BACH2: variants seen among roughly 807,000 people sequenced by gnomAD.
BACH2 encodes transcription regulator protein BACH2.
A neutral mutation model predicts 61.8 loss-of-function variants in BACH2; 5 were observed. The ratio of observed to expected loss-of-function variants is 0.08; its 90% confidence interval spans 0.04 to 0.17. The LOEUF is 0.17. Among genes scored for constraint, BACH2 ranks in the 10% least tolerant of loss-of-function variants. BACH2 has a pLI of 1.00. For synonymous variants in BACH2, 446 were observed against 440.1 expected (o/e 1.01, Z -0.17); for missense variants, 824 against 1,091.1 (o/e 0.76, Z 3.45).
At chr6:90,234,692 G>A (rs1770204049) in intron 3 of BACH2, among the ~76,000 whole-genome samples, 1 of 152,180 alleles carries the variant, frequency 6.6e-6, no homozygotes, top group African/African-American at 2.4e-5. Context: ...TTCAAAGAAG[G>A]TGGTCACAGT....
chr6:90,243,890 A>G (rs1173115880), intron 3 of BACH2, among the ~76,000 whole-genome samples: 1 of 152,182 alleles, frequency 6.6e-6, no homozygotes, highest in Non-Finnish European at 1.5e-5. Flanking sequence ...TCAATTGAGG[A>G]GCAATAAACC....
intron 4 of BACH2, among the ~76,000 whole-genome samples, chr6:90,191,914 G>A (rs527421646): frequency 3.9e-5 from 6 of 151,960 alleles, no homozygotes; most frequent in African/African-American, 4.8e-5. Flanking sequence ...AAAATGACTC[G>A]AATACTTGCT....
intron 4 of BACH2, among the ~76,000 whole-genome samples, chr6:90,120,196 G>A (rs1287629850): frequency 1.3e-5 from 2 of 152,180 alleles, no homozygotes; most frequent in African/African-American, 4.8e-5. Context: ...GGAGAGGACC[G>A]TAGAGTTGAG....
At chr6:90,220,443 A>G (rs895798010) in intron 3 of BACH2, among the ~76,000 whole-genome samples, 2 of 152,254 alleles carry the variant, frequency 1.3e-5, no homozygotes, top group African/African-American at 2.4e-5. Flanking sequence ...GATTTTATCA[A>G]TGTGGCAGAG....
chr6:90,115,075 T>G (rs1783335308), intron 4 of BACH2, among the ~76,000 whole-genome samples: 1 of 152,078 alleles, frequency 6.6e-6, no homozygotes, highest in African/African-American at 2.4e-5. Flanking sequence ...ATAATCAATA[T>G]CATTAAAATG....
At chr6:90,016,246 T>G (rs948550521) in intron 5 of BACH2, among the ~76,000 whole-genome samples, 1 of 152,212 alleles carries the variant, frequency 6.6e-6, no homozygotes, top group Non-Finnish European at 1.5e-5. Flanking sequence ...TTCTGGTGTT[T>G]AAAACATGTA....
intron 4 of BACH2, among the ~76,000 whole-genome samples, chr6:90,145,640 T>C (rs1393469535): frequency 6.6e-6 from 1 of 152,224 alleles, no homozygotes; most frequent in Non-Finnish European, 1.5e-5. Flanking sequence ...CCTTTAAAAT[T>C]GTGTGAAGTG....
chr6:90,296,458 G>C (rs1772395494), intron 1 of BACH2, 22 bp downstream of exon 1: 1 of 150,676 alleles, frequency 6.6e-6, no homozygotes, highest in Admixed American at 6.6e-5. Context: ...GCGGGGCCCG[G>C]GGCCCGGGGC....
chr6:90,130,387 A>G (rs1784039279), intron 4 of BACH2, among the ~76,000 whole-genome samples: 1 of 151,750 alleles, frequency 6.6e-6, no homozygotes, highest in African/African-American at 2.4e-5. Flanking sequence ...ATGCTGACAC[A>G]GGAGCTAACA....
At chr6:90,295,851 T>C (rs1772344546) in intron 1 of BACH2, among the ~76,000 whole-genome samples, 4 of 152,254 alleles carry the variant, frequency 2.6e-5, no homozygotes, top group East Asian at 3.9e-4. Flanking sequence ...AGCTCGCCTC[T>C]TCCTGCGACC....
At chr6:90,062,023 G>C (rs575101847) in intron 5 of BACH2, among the ~76,000 whole-genome samples, 6 of 152,142 alleles carry the variant, frequency 3.9e-5, no homozygotes, top group African/African-American at 1.4e-4. Context: ...TTTTCCTGGG[G>C]CAGTATTAAA....
At chr6:90,225,180 T>C (rs1180382878) in intron 3 of BACH2, among the ~76,000 whole-genome samples, 4 of 150,970 alleles carry the variant, frequency 2.6e-5, no homozygotes, top group African/African-American at 9.8e-5. Flanking sequence ...AGCCCAGGAG[T>C]TCAAGACCAG....
chr6:90,240,074 T>C (rs1356771202), intron 3 of BACH2, among the ~76,000 whole-genome samples: 2 of 152,182 alleles, frequency 1.3e-5, no homozygotes, highest in East Asian at 3.8e-4. Flanking sequence ...TATTTTATTA[T>C]TTGAATTAAG....
intron 5 of BACH2, among the ~76,000 whole-genome samples, chr6:90,057,140 A>G (rs968237899): frequency 1.2e-4 from 19 of 152,170 alleles, no homozygotes; most frequent in Non-Finnish European, 2.4e-4. Context: ...AACTGAAGGA[A>G]ATAGAGACAC....
chr6:90,119,348 T>C lies in BACH2; in HGVS notation c.-161-30239A>G, dbSNP rs899358072. ...AATCGACAACTATAATACGAAGACT[T>C]AATGAGGAACACAAATGAGAGTAAT... On this transcript the variant is annotated intron_variant, in intron 4 of 8. Transcript: ENST00000257749. 5.9e-5 allele frequency among the ~76,000 whole-genome samples: 9 copies of C among 152,344 alleles called. 1 individual carries two copies. In the South Asian group the frequency reaches 1.0e-3, roughly 18 times the overall value.
At chr6:89,952,398 ACTC>A (rs892571801) in intron 6 of BACH2, among the ~76,000 whole-genome samples, 12 of 152,010 alleles carry the variant, frequency 7.9e-5, no homozygotes, top group African/African-American at 2.7e-4. Context: ...CATTAAAACA[ACTC>A]CTGTTTTGCT....
chr6:89,943,933 C>A (rs527802840), intron 7 of BACH2, among the ~76,000 whole-genome samples: 1 of 152,154 alleles, frequency 6.6e-6, no homozygotes, highest in East Asian at 1.9e-4. Flanking sequence ...AGGGAGCTGT[C>A]GAGGGAGGAA....
At chr6:89,985,500 C>T (rs1352624917) in intron 6 of BACH2, among the ~76,000 whole-genome samples, 1 of 152,114 alleles carries the variant, frequency 6.6e-6, no homozygotes, top group African/African-American at 2.4e-5. Flanking sequence ...AATGCACAGA[C>T]ATCCGTCCAT....
rs539069043 is a variant in BACH2 at position 90,002,412 on chromosome 6, T to C, written c.243+6190A>G. Among the ~76,000 whole-genome samples the C allele has an allele frequency of 4.8e-4, 73 of 152,316 alleles. 1 individual carries two copies. The highest frequency in any genetic ancestry group is 4.6e-4 in the Non-Finnish European group (31 of 68,024). ...AGACTTCTCCCATGAGTTCTGGCCA[T>C]GTAAGTCCAACTGCATACTAGACAT... On this transcript the variant is annotated intron_variant, in intron 6 of 8. Coordinates refer to ENST00000257749, the MANE Select transcript of BACH2 (RefSeq NM_021813.4).
Sources: gnomAD v4.1 joint callset for allele counts (sites outside exome capture counted in the v4.1 genomes callset) on GRCh38, gnomAD v4.1.1 for gene constraint, MANE v1.5 for transcripts, NCBI Gene and HGNC (gene_info 2026-07-23, HGNC 2026-07-21) for gene names.